The following CELF5 variants were observed in gnomAD, a reference collection of about 807,000 sequenced individuals.
CELF5 encodes CUGBP Elav-like family member 5, also known as CUG-BP and ETR-3 like factor 5.
In CELF5, 6 loss-of-function variants were observed where a neutral mutation model predicts 54.9. That is an observed-to-expected ratio of 0.11 (90% confidence interval 0.06 to 0.22). The LOEUF is 0.22. CELF5 is among the 10% of genes least tolerant of loss of function. CELF5 has a pLI of 1.00. For synonymous variants in CELF5, 271 were observed against 290.9 expected (o/e 0.93, Z 0.70); for missense variants, 401 against 678.6 (o/e 0.59, Z 4.54).
intron 2 of CELF5, among the ~76,000 whole-genome samples, chr19:3,266,426 A>G (rs568689734): frequency 7.0e-6 from 1 of 143,416 alleles, no homozygotes; most frequent in Non-Finnish European, 1.5e-5. Context: ...CAGTACAAAC[A>G]AAAAAAAAAA....
At chr19:3,258,592 G>T (rs1024020088) in intron 2 of CELF5, among the ~76,000 whole-genome samples, 2 of 151,586 alleles carry the variant, frequency 1.3e-5, no homozygotes, top group African/African-American at 2.4e-5. Context: ...AGGATTTGGG[G>T]ATATATATAT....
At chr19:3,245,389 T>TGTGTGTGTGTGC (rs1453998385) in intron 1 of CELF5, among the ~76,000 whole-genome samples, 1 of 148,364 alleles carries the variant, frequency 6.7e-6, no homozygotes, top group Admixed American at 6.7e-5. Context: ...TGTATGCATC[T>TGTGTGTGTGTGC]GTGTGTGTGT....
intron 1 of CELF5, 105 bp from the exon 2 acceptor site, chr19:3,250,880 G>GTCGTTTC: frequency 1.4e-6 from 1 of 717,672 alleles, no homozygotes; most frequent in Non-Finnish European, 2.5e-6. Context: ...TGCATCTGTG[G>GTCGTTTC]ATGGAAGCTT....
intron 1 of CELF5, among the ~76,000 whole-genome samples, chr19:3,232,966 C>T (rs1235718723): frequency 1.3e-5 from 2 of 151,626 alleles, no homozygotes; most frequent in South Asian, 2.1e-4. Flanking sequence ...CCCAGCTACT[C>T]GGGAGGCTGA....
Position 3,282,026 on chromosome 19 carries a change from G to T in CELF5, c.751-100G>T. The T allele has an allele frequency of 7.3e-7, 1 of 1,364,206 alleles. No individual in the cohort carries two copies. The allele number at this position is 1,364,206 out of a possible 1,614,324, so 84.5% of individuals were successfully genotyped here. ...ATCTCAGCCTGAGCCAAGATACCCA[G>T]CCTGACCTCCTCACTAGTAACTGGG... On this transcript the variant is annotated intron_variant, in intron 6 of 12. Transcript: ENST00000292672. The surrounding 1 kb of genome is among the most constrained non-coding windows in gnomAD (Gnocchi z 5.2).
intron 8 of CELF5, among the ~76,000 whole-genome samples, chr19:3,284,570 C>A (rs988291527): frequency 1.3e-5 from 2 of 152,004 alleles, no homozygotes; most frequent in Non-Finnish European, 2.9e-5. Context: ...AGGCTGAAGT[C>A]CTGGTGAATC....
chr19:3,291,627 A>G (rs1368697653), intron 11 of CELF5, among the ~76,000 whole-genome samples: 2 of 150,904 alleles, frequency 1.3e-5, no homozygotes, highest in African/African-American at 4.9e-5. Flanking sequence ...GGCATGGGAA[A>G]TCTGGGGGAA....
rs1041407278 is a variant in CELF5 at position 3,275,067 on chromosome 19, C to G, written c.395-789C>G. Among the ~76,000 whole-genome samples, 5 of 152,132 alleles carry G rather than the reference C, an allele frequency of 3.3e-5. No individual in the cohort carries two copies. The highest frequency in any genetic ancestry group is 1.2e-4 in the African/African-American group (5 of 41,408). ...TCAGTCTCTCTGCTGGTTTCTCTCT[C>G]TCCCTCCCACCCCCATGAGTGACAG... On this transcript the variant is annotated intron_variant, in intron 3 of 12. Transcript: ENST00000292672. This position sits in a 1 kb window ranked among gnomAD's most constrained non-coding sequence, Gnocchi z 6.7.
At chr19:3,286,074 C>T (rs775984338) in intron 10 of CELF5, 49 bp downstream of exon 10, 32 of 1,439,426 alleles carry the variant, frequency 2.2e-5, no homozygotes, top group African/African-American at 2.9e-5. Context: ...CCTCTGCCCG[C>T]CCTGTCCACC....
At chr19:3,225,328 C>T (rs1428955368) in intron 1 of CELF5, among the ~76,000 whole-genome samples, 1 of 109,860 alleles carries the variant, frequency 9.1e-6, no homozygotes, top group Non-Finnish European at 1.9e-5. Context: ...CTCATCCTTC[C>T]CCCCACAGCA....
In CELF5 at chr19:3,282,365, C is replaced by T. The variant is rs570394805; in HGVS notation, c.906C>T (p.Pro302=). The T allele has an allele frequency of 2.3e-4, 366 of 1,609,942 alleles. 3 individuals are homozygous for T. In the South Asian group the frequency reaches 3.6e-3, roughly 16 times the overall value. The change falls in exon 8 of 13, where the codon CCC becomes CCT. Residue 302 remains proline, a synonymous_variant. Coordinates refer to ENST00000292672, the MANE Select transcript of CELF5 (RefSeq NM_021938.4). The surrounding 1 kb of genome is among the most constrained non-coding windows in gnomAD (Gnocchi z 5.2). ...TCCGCTCTGCAGGGCTGCACTCACCCCCGCTGCTGGGCACCACCGCTGTGC... is the reference window on the plus strand; with the variant it reads ...TCCGCTCTGCAGGGCTGCACTCACCTCCGCTGCTGGGCACCACCGCTGTGC... ...PIAPASGLHS[P]PLLGTTAVPG... is the part of the protein sequence containing the mutation.
chr19:3,225,323 C>T (rs1366968553), intron 1 of CELF5, among the ~76,000 whole-genome samples: 1 of 110,096 alleles, frequency 9.1e-6, no homozygotes, highest in Admixed American at 9.0e-5. Flanking sequence ...GACCTCTCAT[C>T]CTTCCCCCCA....
rs2144968301 is a variant in CELF5 at position 3,228,893 on chromosome 19, TG to T, written c.259+3896del. 6.7e-6 allele frequency among the ~76,000 whole-genome samples: 1 copy of T among 149,776 alleles called. No homozygotes were observed. Among genetic ancestry groups the T allele is most frequent in the South Asian group, 2.2e-4 (1 of 4,624 alleles). On this transcript the variant is annotated intron_variant, in intron 1 of 12. Coordinates refer to ENST00000292672, the MANE Select transcript of CELF5 (RefSeq NM_021938.4). This position sits in a 1 kb window ranked among gnomAD's most constrained non-coding sequence, Gnocchi z 6.0. Reference sequence around the variant, plus strand: ...TGGCCGGCGTGTGTGTGTGTGTGTGTGTGTGTGTGTGTGTGTGTGTGTACGC... The same window carrying T: ...TGGCCGGCGTGTGTGTGTGTGTGTGTTGTGTGTGTGTGTGTGTGTGTACGC...
At chr19:3,255,150 C>T (rs1455669119) in intron 2 of CELF5, among the ~76,000 whole-genome samples, 2 of 152,118 alleles carry the variant, frequency 1.3e-5, no homozygotes, top group East Asian at 1.9e-4. Flanking sequence ...GTCCCCATCC[C>T]CCTAGACCCA....
intron 4 of CELF5, among the ~76,000 whole-genome samples, chr19:3,276,901 A>G (rs2080065229): frequency 6.6e-6 from 1 of 151,952 alleles, no homozygotes; most frequent in Non-Finnish European, 1.5e-5. Flanking sequence ...GGGCTTCTCC[A>G]CGGACAGAGT....
intron 1 of CELF5, among the ~76,000 whole-genome samples, chr19:3,247,074 G>A (rs1054128993): frequency 6.6e-6 from 1 of 152,166 alleles, no homozygotes; most frequent in Non-Finnish European, 1.5e-5. Flanking sequence ...GGATGGAGGG[G>A]GTTGTGCTGG....
chr19:3,269,697 C>T (rs1356583859), intron 2 of CELF5, among the ~76,000 whole-genome samples: 1 of 152,158 alleles, frequency 6.6e-6, no homozygotes, highest in Non-Finnish European at 1.5e-5. Flanking sequence ...AGTGCCAAAA[C>T]GCTCCCCAGC....
chr19:3,263,998 G>A (rs1464627292), intron 2 of CELF5, among the ~76,000 whole-genome samples: 1 of 152,092 alleles, frequency 6.6e-6, no homozygotes, highest in Non-Finnish European at 1.5e-5. Context: ...CAAACATCCT[G>A]ATGACCACTA....
chr19:3,234,856 C>G (rs181550320), intron 1 of CELF5, among the ~76,000 whole-genome samples: 55 of 152,234 alleles, frequency 3.6e-4, no homozygotes, highest in African/African-American at 1.3e-3. Context: ...TGGACCAGTG[C>G]AGTCCCTGTG....
Sources: allele counts gnomAD v4.1 joint callset (sites outside exome capture counted in the v4.1 genomes callset), GRCh38; gene constraint gnomAD v4.1.1; non-coding constraint Gnocchi (gnomAD v3.1); transcripts MANE v1.5; gene names NCBI Gene and HGNC (gene_info 2026-07-23, HGNC 2026-07-21).